SSBP3: variants seen among roughly 807,000 people sequenced by gnomAD.
SSBP3 encodes the protein single-stranded DNA-binding protein 3.
SSBP3 carries 5 observed loss-of-function variants against 69.6 expected under a neutral mutation model. The observed-to-expected ratio is 0.07, with a 90% CI of 0.04 to 0.15. The LOEUF (loss-of-function observed/expected upper bound fraction) is 0.15, where lower values mean the gene tolerates loss of function less well. SSBP3 is among the 10% of genes least tolerant of loss of function. The pLI is 1.00. For synonymous variants in SSBP3, 196 were observed against 193.4 expected (o/e 1.01, Z -0.11); for missense variants, 312 against 534.0 (o/e 0.58, Z 4.10).
chr1:54,307,226 GC>G (rs1409318746), intron 4 of SSBP3, among the ~76,000 whole-genome samples: 1 of 151,462 alleles, frequency 6.6e-6, no homozygotes, highest in Non-Finnish European at 1.5e-5. Flanking sequence ...CTATGGTCAC[GC>G]CCCCACTATG....
chr1:54,348,552 C>T (rs1322532964), intron 4 of SSBP3, among the ~76,000 whole-genome samples: 1 of 152,182 alleles, frequency 6.6e-6, no homozygotes, highest in Admixed American at 6.5e-5. Flanking sequence ...AGCCCACTTC[C>T]GTCCAGGGGT....
intron 4 of SSBP3, among the ~76,000 whole-genome samples, chr1:54,317,132 TACA>T (rs1646128721): frequency 6.6e-6 from 1 of 152,166 alleles, no homozygotes; most frequent in South Asian, 2.1e-4. Flanking sequence ...CAGTGTTATG[TACA>T]ATGGCAGGGT....
intron 4 of SSBP3, among the ~76,000 whole-genome samples, chr1:54,337,229 G>A (rs1456113774): frequency 6.6e-6 from 1 of 152,128 alleles, no homozygotes; most frequent in Non-Finnish European, 1.5e-5. Flanking sequence ...CGGTTCACAG[G>A]GCACACAGGC....
At chr1:54,331,295 A>C (rs1646406003) in intron 4 of SSBP3, among the ~76,000 whole-genome samples, 1 of 152,168 alleles carries the variant, frequency 6.6e-6, no homozygotes, top group Non-Finnish European at 1.5e-5. Context: ...CCACTTCCAG[A>C]TGCTACAGTC....
intron 14 of SSBP3, among the ~76,000 whole-genome samples, chr1:54,231,834 A>C (rs530061023): frequency 6.6e-6 from 1 of 152,210 alleles, no homozygotes; most frequent in East Asian, 1.9e-4. Flanking sequence ...AGCTGGGACT[A>C]CAGGTGCGCG....
chr1:54,324,259 A>ACAAAG (rs1358332840), intron 4 of SSBP3, among the ~76,000 whole-genome samples: 4 of 152,222 alleles, frequency 2.6e-5, no homozygotes, highest in African/African-American at 9.6e-5. Context: ...AGGGCTGCAG[A>ACAAAG]CAAAGCCCCT....
At chr1:54,248,220 A>G (rs1035535021) in intron 9 of SSBP3, among the ~76,000 whole-genome samples, 9 of 152,198 alleles carry the variant, frequency 5.9e-5, no homozygotes, top group African/African-American at 2.2e-4. Context: ...GTCTCAGCAC[A>G]GCACTGTGTG....
intron 4 of SSBP3, among the ~76,000 whole-genome samples, chr1:54,303,397 C>A (rs1342796459): frequency 7.7e-6 from 1 of 130,304 alleles, no homozygotes; most frequent in Non-Finnish European, 1.7e-5. Flanking sequence ...AGGGGGCAGG[C>A]CCTGGCACCA....
At position 54,289,786 on chromosome 1, in the gene SSBP3, G is replaced by A. The variant is rs879899604; in HGVS notation, c.277-8259C>T. 5.9e-5 allele frequency among the ~76,000 whole-genome samples: 9 copies of A among 151,826 alleles called. 1 individual carries two copies. The highest frequency in any genetic ancestry group is 8.8e-5 in the Non-Finnish European group (6 of 67,904). On this transcript the variant is annotated intron_variant, in intron 4 of 17. Transcript: ENST00000610401. ...CTTAGAGAGCAAATCCCTCTAGGACGCCACCCGCCCCCTGCACCATCTCCA... is the reference window on the plus strand; with the variant it reads ...CTTAGAGAGCAAATCCCTCTAGGACACCACCCGCCCCCTGCACCATCTCCA...
chr1:54,235,287 T>G (rs12091127), intron 14 of SSBP3, among the ~76,000 whole-genome samples: 9 of 86,744 alleles, frequency 1.0e-4, no homozygotes, highest in South Asian at 3.7e-4. Flanking sequence ...TTTTTTTTTT[T>G]TTTTTTTTTT....
chr1:54,344,852 AAAAG>A (rs1348095707), intron 4 of SSBP3, among the ~76,000 whole-genome samples: 4 of 152,180 alleles, frequency 2.6e-5, no homozygotes, highest in African/African-American at 7.2e-5. Context: ...TCTCAAATTA[AAAAG>A]AAAGAAATTA....
chr1:54,282,740 G>A (rs1645420234), intron 4 of SSBP3, among the ~76,000 whole-genome samples: 1 of 152,200 alleles, frequency 6.6e-6, no homozygotes, highest in African/African-American at 2.4e-5. Context: ...CTGATTCTAG[G>A]CCTTCAGGGG....
Position 54,258,320 on chromosome 1 carries a change from A to T in SSBP3, c.367-171T>A, listed in dbSNP as rs1261764303. 6.6e-6 allele frequency among the ~76,000 whole-genome samples: 1 copy of T among 151,888 alleles called. No homozygotes were observed. The highest frequency in any genetic ancestry group is 2.4e-5 in the African/African-American group (1 of 41,304). ...GAGCTGCTGCTTTGGTCGCCGGCTC[A>T]ACGGTGTAAAACGGCGAGCGGGAGC... On this transcript the variant is annotated intron_variant, in intron 5 of 17. Transcript: ENST00000610401. The surrounding 1 kb of genome is among the most constrained non-coding windows in gnomAD (Gnocchi z 4.5).
At chr1:54,332,372 G>C (rs564894756) in intron 4 of SSBP3, among the ~76,000 whole-genome samples, 24 of 152,334 alleles carry the variant, frequency 1.6e-4, no homozygotes, top group African/African-American at 5.8e-4. Flanking sequence ...TGCTGGGAGG[G>C]GTGGGAGTGT....
intron 14 of SSBP3, 67 bp downstream of exon 14, chr1:54,239,062 C>T: frequency 7.4e-7 from 1 of 1,353,618 alleles, no homozygotes; most frequent in Non-Finnish European, 1.1e-6. Context: ...GCTTTCCCCT[C>T]AGCTGATGAA....
intron 4 of SSBP3, among the ~76,000 whole-genome samples, chr1:54,305,892 G>C (rs1247693121): frequency 2.7e-5 from 4 of 149,514 alleles, no homozygotes; most frequent in Non-Finnish European, 4.4e-5. Context: ...TTCACCCCAA[G>C]CCCAGTCACT....
At chr1:54,324,442 C>G (rs1229220553) in intron 4 of SSBP3, among the ~76,000 whole-genome samples, 2 of 150,062 alleles carry the variant, frequency 1.3e-5, no homozygotes, top group Non-Finnish European at 3.0e-5. Context: ...CCCTACAGAA[C>G]ACTTCACTCA....
At chr1:54,381,627 C>CA (rs891223687) in intron 4 of SSBP3, among the ~76,000 whole-genome samples, 3 of 152,202 alleles carry the variant, frequency 2.0e-5, no homozygotes, top group African/African-American at 7.2e-5. Flanking sequence ...CCGAGGCCCT[C>CA]AAATGACTTG....
chr1:54,236,401 G>C (rs1179219428), intron 14 of SSBP3: 1 of 152,192 alleles, frequency 6.6e-6, no homozygotes, highest in Non-Finnish European at 1.5e-5. Flanking sequence ...GATTACAGGT[G>C]TGAGTCACCG....
Sources: gnomAD v4.1 joint callset for allele counts (sites outside exome capture counted in the v4.1 genomes callset) on GRCh38, gnomAD v4.1.1 for gene constraint, Gnocchi (gnomAD v3.1) non-coding constraint, MANE v1.5 for transcripts, NCBI Gene and HGNC (gene_info 2026-07-23, HGNC 2026-07-21) for gene names.